The following ADAMTSL1 variants were observed in gnomAD, a reference collection of about 807,000 sequenced individuals.
ADAMTSL1 encodes the protein ADAMTS like 1.
ADAMTSL1 carries 126 observed loss-of-function variants against 201.8 expected under a neutral mutation model. The observed-to-expected ratio is 0.62, with a 90% CI of 0.54 to 0.72. The LOEUF is 0.72. Ranked by LOEUF, ADAMTSL1 falls within the 30% of genes least tolerant of loss-of-function variation. The pLI is 0.00. For synonymous variants in ADAMTSL1, 1,121 were observed against 903.4 expected (o/e 1.24, Z -4.32); for missense variants, 2,679 against 2,277.8 (o/e 1.18, Z -3.59).
intron 2 of ADAMTSL1, among the ~76,000 whole-genome samples, chr9:18,437,101 G>T (rs987591646): frequency 4.6e-5 from 7 of 151,908 alleles, no homozygotes; most frequent in Admixed American, 4.6e-4. Flanking sequence ...GCAATTCTCG[G>T]TGGCTAAGAG....
chr9:18,835,735 C>T (rs933315541), intron 23 of ADAMTSL1, among the ~76,000 whole-genome samples: 1 of 152,116 alleles, frequency 6.6e-6, no homozygotes, highest in African/African-American at 2.4e-5. Flanking sequence ...TTAGTTCCTG[C>T]TTCTAAGTGA....
intron 2 of ADAMTSL1, among the ~76,000 whole-genome samples, chr9:18,522,710 C>T (rs1412701008): frequency 5.3e-5 from 8 of 150,902 alleles, no homozygotes; most frequent in East Asian, 3.9e-4. Context: ...TTTTTCCCTG[C>T]AATAGTTTGC....
rs1331435629 is a variant in ADAMTSL1, at chr9:18,267,781, C to CA, written c.207+103805dup. Among the ~76,000 whole-genome samples the CA allele has an allele frequency of 5.7e-3, 796 of 138,698 alleles. 26 individuals carry two copies. The highest frequency in any genetic ancestry group is 0.045 in the Admixed American group (584 of 12,972). The allele number at this position is 138,698 out of a possible 152,430, so 91.0% of individuals were successfully genotyped here. ...GGCTATTAAAAAAAAAAAACAAAAA[C>CA]AAAAACAAAAAAACCTTAATCTGAG... On this transcript the variant is annotated intron_variant, in intron 2 of 29. Transcript: ENST00000680146.
chr9:18,656,285 T>G (rs4977292), intron 7 of ADAMTSL1, among the ~76,000 whole-genome samples: 40,219 of 151,614 alleles, frequency 0.27, 6,015 homozygotes, highest in East Asian at 0.7. Context: ...ATTTTTAAAA[T>G]AATCTGAAGG....
chr9:18,713,369 G>C (rs1413396870), intron 14 of ADAMTSL1, among the ~76,000 whole-genome samples: 4 of 152,132 alleles, frequency 2.6e-5, no homozygotes, highest in Admixed American at 2.6e-4. Context: ...CACGTGCAGA[G>C]ACACACATAG....
rs555050211 is a variant in ADAMTSL1 at position 18,415,306 on chromosome 9, T to C, written c.208-89523T>C. 1.4e-4 allele frequency among the ~76,000 whole-genome samples: 21 copies of C among 152,306 alleles called. No homozygotes were observed. In the South Asian group the frequency reaches 4.4e-3, roughly 32 times the overall value. On this transcript the variant is annotated intron_variant, in intron 2 of 29. Transcript: ENST00000680146. ...AAAGACATTAAAACAGTTTATATGA[T>C]TGTGTTTCATAGGTTCAAAAAGTGA...
At chr9:17,962,688 A>T (rs1364462510) in intron 1 of ADAMTSL1, among the ~76,000 whole-genome samples, 1 of 152,212 alleles carries the variant, frequency 6.6e-6, no homozygotes, top group African/African-American at 2.4e-5. Context: ...GACCAATTAC[A>T]TTATTTCCCC....
chr9:18,770,463 T>A (rs769152783), intron 16 of ADAMTSL1, 139 bp from the exon 17 acceptor site: 3 of 859,724 alleles, frequency 3.5e-6, no homozygotes, highest in Admixed American at 3.0e-5. Flanking sequence ...CAAAATCCTT[T>A]GGGCCGATTC....
intron 2 of ADAMTSL1, among the ~76,000 whole-genome samples, chr9:18,522,285 C>T (rs1818745313): frequency 6.6e-6 from 1 of 151,930 alleles, no homozygotes; most frequent in African/African-American, 2.4e-5. Flanking sequence ...GTACCCGAGT[C>T]TAAAATAAAA....
intron 2 of ADAMTSL1, among the ~76,000 whole-genome samples, chr9:18,405,776 A>G (rs1040577263): frequency 2.9e-4 from 44 of 152,322 alleles, no homozygotes; most frequent in African/African-American, 7.7e-4. Context: ...TTAAAAAGAC[A>G]GGGAGGAAAC....
chr9:18,062,358 G>T (rs1353998692), intron 1 of ADAMTSL1, among the ~76,000 whole-genome samples: 2 of 152,096 alleles, frequency 1.3e-5, no homozygotes, highest in Non-Finnish European at 2.9e-5. Flanking sequence ...AAAATAGTTT[G>T]CAGAATATCA....
intron 1 of ADAMTSL1, among the ~76,000 whole-genome samples, chr9:18,011,483 G>A (rs186477277): frequency 1.2e-4 from 18 of 152,090 alleles, no homozygotes; most frequent in East Asian, 9.8e-4. Context: ...GCACGGAACC[G>A]CCCCAGCACT....
intron 22 of ADAMTSL1, among the ~76,000 whole-genome samples, chr9:18,827,380 C>T (rs1441659251): frequency 6.6e-6 from 1 of 152,032 alleles, no homozygotes; most frequent in African/African-American, 2.4e-5. Flanking sequence ...CTTCTGTTTT[C>T]ACACCGAGAG....
intron 7 of ADAMTSL1, among the ~76,000 whole-genome samples, chr9:18,640,881 A>T (rs1329075806): frequency 6.6e-6 from 1 of 151,902 alleles, no homozygotes; most frequent in African/African-American, 2.4e-5. Context: ...CCAGCCTCTG[A>T]TTTCATTGCC....
chr9:18,692,772 C>G (rs568935), intron 13 of ADAMTSL1, among the ~76,000 whole-genome samples: 46,464 of 152,022 alleles, frequency 0.31, 7,415 homozygotes, highest in African/African-American at 0.4. Flanking sequence ...TGCATTTAAA[C>G]TACATTCCAA....
intron 2 of ADAMTSL1, among the ~76,000 whole-genome samples, chr9:18,392,380 A>C (rs1438831603): frequency 6.6e-6 from 1 of 152,190 alleles, no homozygotes; most frequent in African/African-American, 2.4e-5. Flanking sequence ...AGGTTGTTTA[A>C]AAAGCTTTCT....
At chr9:18,042,182 A>G (rs1471368737) in intron 1 of ADAMTSL1, among the ~76,000 whole-genome samples, 1 of 152,124 alleles carries the variant, frequency 6.6e-6, no homozygotes, top group African/African-American at 2.4e-5. Context: ...CAGCCATGAA[A>G]GCTTAAGTGA....
At chr9:18,881,199 G>A (rs190750362) in intron 23 of ADAMTSL1, among the ~76,000 whole-genome samples, 2 of 152,152 alleles carry the variant, frequency 1.3e-5, no homozygotes, top group Admixed American at 1.3e-4. Context: ...GTGTTCACTG[G>A]TGTAGCTCTT....
intron 1 of ADAMTSL1, among the ~76,000 whole-genome samples, chr9:18,035,366 A>C (rs1228055074): frequency 6.6e-6 from 1 of 152,188 alleles, no homozygotes; most frequent in South Asian, 2.1e-4. Context: ...TTCTCTTGGC[A>C]GCCAAAGGAG....
Sources: allele counts gnomAD v4.1 joint callset (sites outside exome capture counted in the v4.1 genomes callset), GRCh38; gene constraint gnomAD v4.1.1; transcripts MANE v1.5; gene names NCBI Gene and HGNC (gene_info 2026-07-23, HGNC 2026-07-21).